The following TRHDE variants were observed in gnomAD, a reference collection of about 807,000 sequenced individuals.
TRHDE encodes thyrotropin releasing hormone degrading enzyme.
Under a neutral mutation model 125.7 loss-of-function variants are expected in TRHDE, and 72 were observed. The ratio of observed to expected loss-of-function variants is 0.57; its 90% CI spans 0.47 to 0.70. The LOEUF (loss-of-function observed/expected upper bound fraction) is 0.70. TRHDE is among the 30% of genes least tolerant of loss of function. The probability of loss-of-function intolerance (pLI) is 0.00; values close to 1 mark genes in which losing one functional copy is unlikely to be tolerated. For missense variants in TRHDE, 1,110 were observed against 1,327.1 expected, an observed-to-expected ratio of 0.84 and a Z score of 2.54; for synonymous variants, 509 against 509.1, an observed-to-expected ratio of 1.00 and a Z score of 0.00.
chr12:72,142,301 C>G (rs774908198), intron 2 of TRHDE, among the ~76,000 whole-genome samples: 33 of 152,180 alleles, frequency 2.2e-4, no homozygotes, highest in Admixed American at 7.2e-4. Flanking sequence ...CCATGGGTTC[C>G]TTTTTTTCTT....
At chr12:72,246,832 G>T (rs1000451707) in intron 2 of TRHDE, among the ~76,000 whole-genome samples, 2 of 152,130 alleles carry the variant, frequency 1.3e-5, no homozygotes, top group Non-Finnish European at 2.9e-5. Flanking sequence ...ATAATGATTT[G>T]TTTTTCTTAT....
At chr12:72,529,093 T>TA (rs1448584296) in intron 6 of TRHDE, among the ~76,000 whole-genome samples, 4 of 152,108 alleles carry the variant, frequency 2.6e-5, no homozygotes, top group African/African-American at 9.7e-5. Flanking sequence ...ACCAAAAAAT[T>TA]AAACTATAGG....
chr12:72,232,421 T>C (rs543911200), intron 2 of TRHDE, among the ~76,000 whole-genome samples: 2 of 152,206 alleles, frequency 1.3e-5, no homozygotes, highest in African/African-American at 4.8e-5. Flanking sequence ...TGCTGGAATA[T>C]GGGCTTTGGT....
chr12:72,215,186 T>G (rs1877861546), intron 2 of TRHDE, among the ~76,000 whole-genome samples: 1 of 100,032 alleles, frequency 1.0e-5, no homozygotes, highest in Non-Finnish European at 2.2e-5. Flanking sequence ...GGGTTTGTTC[T>G]CTGGCAGGCA....
At position 72,621,694 on chromosome 12, in the gene TRHDE, A is replaced by G. The variant is rs139494479; in HGVS notation, c.2618A>G (p.His873Arg). 8 of 1,608,772 alleles carry G rather than the reference A, an allele frequency of 5.0e-6. No individual in the cohort carries two copies. The highest frequency in any genetic ancestry group is 6.8e-6 in the Non-Finnish European group (8 of 1,178,386). Residue 873 changes from histidine to arginine, a missense_variant, in exon 15 of 19, where the codon CAC becomes CGC. Physicochemically the swap from His to Arg is conservative, Grantham distance 29 (BLOSUM62 0). This residue lies in a region of TRHDE where 527 missense variants were observed against 651.8 expected (regional missense o/e 0.81). Coordinates refer to ENST00000261180, the MANE Select transcript of TRHDE (RefSeq NM_013381.3). Reference protein sequence around the residue: ...IMLACSFGNKHCHQQASTLIS... With the variant: ...IMLACSFGNKRCHQQASTLIS... Reference sequence around the variant, plus strand: ...CTGGCCTGCAGTTTTGGCAACAAGCACTGTCACCAACAGGCATCAACACTT... The same window carrying G: ...CTGGCCTGCAGTTTTGGCAACAAGCGCTGTCACCAACAGGCATCAACACTT...
chr12:72,214,325 A>G (rs1267961027), intron 2 of TRHDE, among the ~76,000 whole-genome samples: 1 of 152,216 alleles, frequency 6.6e-6, no homozygotes, highest in Non-Finnish European at 1.5e-5. Flanking sequence ...ATAACTGTCA[A>G]CTAGAGATAT....
intron 2 of TRHDE, among the ~76,000 whole-genome samples, chr12:72,115,983 A>G (rs187040926): frequency 6.6e-6 from 1 of 152,152 alleles, no homozygotes; most frequent in East Asian, 1.9e-4. Context: ...TGCATTAGGT[A>G]TTTGTCCTAA....
At chr12:72,590,809 A>G (rs1035851862) in intron 12 of TRHDE, among the ~76,000 whole-genome samples, 2 of 152,082 alleles carry the variant, frequency 1.3e-5, no homozygotes, top group African/African-American at 4.8e-5. Context: ...TTTAGTATTT[A>G]ATGTAATTAT....
intron 2 of TRHDE, among the ~76,000 whole-genome samples, chr12:72,139,282 G>A (rs1404376372): frequency 6.6e-6 from 1 of 151,730 alleles, no homozygotes; most frequent in Non-Finnish European, 1.5e-5. Context: ...TTTTAATGTG[G>A]TAAAATGGCT....
intron 5 of TRHDE, among the ~76,000 whole-genome samples, chr12:72,489,693 A>G (rs920485307): frequency 6.6e-6 from 1 of 151,864 alleles, no homozygotes; most frequent in Non-Finnish European, 1.5e-5. Flanking sequence ...AAATCCAAAT[A>G]TATACGCTCT....
At chr12:72,166,121 A>T (rs1876741640) in intron 2 of TRHDE, among the ~76,000 whole-genome samples, 1 of 152,190 alleles carries the variant, frequency 6.6e-6, no homozygotes, top group Non-Finnish European at 1.5e-5. Flanking sequence ...CGTACAGTGC[A>T]ATACTGTACT....
At chr12:72,586,793 G>GAAA (rs59849205) in intron 12 of TRHDE, among the ~76,000 whole-genome samples, 1 of 110,984 alleles carries the variant, frequency 9.0e-6, no homozygotes, top group Non-Finnish European at 2.2e-5. Context: ...TAACCAAAAT[G>GAAA]AAAAAAAAAA....
intron 9 of TRHDE, among the ~76,000 whole-genome samples, chr12:72,568,232 G>A (rs1870542779): frequency 6.6e-6 from 1 of 152,174 alleles, no homozygotes; most frequent in Admixed American, 6.5e-5. Flanking sequence ...AAGAAGTTAT[G>A]TTTAGACTTT....
chr12:72,096,601 T>C (rs902447298), intron 1 of TRHDE, among the ~76,000 whole-genome samples: 1 of 152,228 alleles, frequency 6.6e-6, no homozygotes, highest in African/African-American at 2.4e-5. Flanking sequence ...TGGTTGTTTT[T>C]GTTCTGTCCA....
chr12:72,595,958 G>A (rs1366338430), intron 12 of TRHDE, among the ~76,000 whole-genome samples: 1 of 151,894 alleles, frequency 6.6e-6, no homozygotes, highest in African/African-American at 2.4e-5. Flanking sequence ...GTGAATCAGG[G>A]ATATTCTCTA....
chr12:72,543,972 A>G (rs114988935), intron 7 of TRHDE, among the ~76,000 whole-genome samples: 2 of 151,170 alleles, frequency 1.3e-5, no homozygotes, highest in African/African-American at 4.8e-5. Flanking sequence ...ATCATATTAA[A>G]CTTTCATTCC....
At chr12:72,451,495 T>C (rs1875567056) in intron 3 of TRHDE, among the ~76,000 whole-genome samples, 1 of 152,218 alleles carries the variant, frequency 6.6e-6, no homozygotes, top group African/African-American at 2.4e-5. Flanking sequence ...TGTCTGTTTT[T>C]ATGCCAGCAC....
intron 12 of TRHDE, among the ~76,000 whole-genome samples, chr12:72,597,715 A>ATGTG (rs1203791852): frequency 9.2e-4 from 2 of 2,164 alleles, no homozygotes; most frequent in Non-Finnish European, 1.7e-3. Context: ...GTGTGTATGT[A>ATGTG]TATATATATA....
intron 2 of TRHDE, among the ~76,000 whole-genome samples, chr12:72,373,749 T>A (rs1026140898): frequency 6.6e-6 from 1 of 152,108 alleles, no homozygotes; most frequent in Non-Finnish European, 1.5e-5. Flanking sequence ...AAATCCTTGA[T>A]CGAGAATCTC....
Sources: allele counts gnomAD v4.1 joint callset (sites outside exome capture counted in the v4.1 genomes callset), GRCh38; gene constraint gnomAD v4.1.1; regional missense constraint gnomAD v4.1.1; transcripts MANE v1.5; gene names NCBI Gene and HGNC (gene_info 2026-07-23, HGNC 2026-07-21).